Variants in TRPM6 observed in about 807,000 individuals in gnomAD.
The protein encoded by TRPM6 is transient receptor potential cation channel subfamily M member 6.
Under a neutral mutation model 247.6 loss-of-function variants are expected in TRPM6, and 111 were observed. That is an observed-to-expected ratio of 0.45 (90% CI 0.38 to 0.52). The LOEUF is 0.52. Among genes scored for constraint, TRPM6 ranks in the 20% least tolerant of loss-of-function variants. The pLI, the probability that TRPM6 is intolerant of heterozygous loss-of-function variation, is 0.00. For synonymous variants in TRPM6, 892 were observed against 853.8 expected (o/e 1.04, Z -0.78); for missense variants, 2,126 against 2,421.5 (o/e 0.88, Z 2.56).
At chr9:74,878,707 G>A (rs991847895) in intron 1 of TRPM6, among the ~76,000 whole-genome samples, 1 of 152,150 alleles carries the variant, frequency 6.6e-6, no homozygotes, top group Non-Finnish European at 1.5e-5. Flanking sequence ...GTAAGGACAC[G>A]AGAAACATGA....
rs189798369 is a variant in TRPM6 at position 74,785,578 on chromosome 9, A to G, written c.2919+296T>C. 4.8e-3 allele frequency among the ~76,000 whole-genome samples: 735 copies of G among 152,138 alleles called. 5 individuals carry two copies. The highest frequency in any genetic ancestry group is 8.1e-3 in the Non-Finnish European group (550 of 67,998). ...CGCTCTGTCGCTCAAGCTGGAGTGC[A>G]GTGGCGCAATCTCGGCTCACTGCAA... On this transcript the variant is annotated intron_variant, in intron 21 of 38. Transcript: ENST00000360774.
intron 21 of TRPM6, 94 bp downstream of exon 21, chr9:74,785,780 C>T (rs919024128): frequency 2.2e-5 from 32 of 1,462,034 alleles, no homozygotes; most frequent in Non-Finnish European, 2.8e-5. Context: ...GCCTTGGCCT[C>T]CCAAAGTGCT....
At chr9:74,790,979 T>C (rs1827879888) in intron 19 of TRPM6, among the ~76,000 whole-genome samples, 2 of 152,218 alleles carry the variant, frequency 1.3e-5, no homozygotes, top group South Asian at 4.1e-4. Flanking sequence ...TTGGCAGTAT[T>C]GCTTCTGACT....
At chr9:74,879,850 G>A (rs761901029) in intron 1 of TRPM6, among the ~76,000 whole-genome samples, 20 of 152,172 alleles carry the variant, frequency 1.3e-4, no homozygotes, top group East Asian at 3.9e-4. Context: ...TCTGTGAGCC[G>A]CCCCAGCAAA....
At chr9:74,838,563 C>G (rs1169169678) in intron 5 of TRPM6, among the ~76,000 whole-genome samples, 4 of 152,184 alleles carry the variant, frequency 2.6e-5, no homozygotes, top group African/African-American at 9.7e-5. Flanking sequence ...TAGTACACAA[C>G]CAGAAGGAGA....
intron 38 of TRPM6, among the ~76,000 whole-genome samples, chr9:74,726,768 C>A (rs1206430302): frequency 6.6e-6 from 1 of 152,146 alleles, no homozygotes; most frequent in Non-Finnish European, 1.5e-5. Flanking sequence ...CGGACTCCAG[C>A]CTGCCATCAT....
rs746280828 is a variant in TRPM6 at position 74,755,346 on chromosome 9, T to A, written c.4906+7A>T. ...TTTTGGGATCCAAAATTGTAGATGT[T>A]ACATACCTGTGTGACTAAATTTGGA... On this transcript the variant is annotated splice_region_variant and intron_variant, in intron 28 of 38. Transcript: ENST00000360774. The A allele has an allele frequency of 3.7e-6, 6 of 1,614,014 alleles. No individual in the cohort carries two copies. In the Admixed American group the frequency reaches 1.0e-4, roughly 27 times the overall value.
chr9:74,829,860 C>A (rs1467695140), intron 6 of TRPM6, among the ~76,000 whole-genome samples: 1 of 152,138 alleles, frequency 6.6e-6, no homozygotes, highest in East Asian at 1.9e-4. Flanking sequence ...GAGAGAGGCT[C>A]ATTCCTATAA....
chr9:74,734,712 TTA>T (rs1825634841), intron 36 of TRPM6, among the ~76,000 whole-genome samples: 1 of 152,224 alleles, frequency 6.6e-6, no homozygotes, highest in South Asian at 2.1e-4. Flanking sequence ...TTTTATTTCC[TTA>T]TCACTAGTAA....
chr9:74,868,239 A>T (rs1485682277), intron 1 of TRPM6, among the ~76,000 whole-genome samples: 1 of 151,800 alleles, frequency 6.6e-6, no homozygotes, highest in Non-Finnish European at 1.5e-5. Flanking sequence ...TCACGCCTGT[A>T]ATCCCAACAC....
chr9:74,767,190 G>A (rs1446251639), intron 25 of TRPM6, among the ~76,000 whole-genome samples: 1 of 152,120 alleles, frequency 6.6e-6, no homozygotes, highest in Non-Finnish European at 1.5e-5. Context: ...AGCTATAACT[G>A]TACTGATGAA....
At chr9:74,744,000 G>A in intron 32 of TRPM6, 95 bp downstream of exon 32, 2 of 1,231,482 alleles carry the variant, frequency 1.6e-6, no homozygotes, top group South Asian at 2.4e-5. Context: ...CGCGAGCCAT[G>A]TCAGTAACAC....
intron 25 of TRPM6, among the ~76,000 whole-genome samples, chr9:74,770,857 A>T (rs545476886): frequency 1.3e-5 from 2 of 152,118 alleles, no homozygotes; most frequent in Non-Finnish European, 2.9e-5. Context: ...AAATCCAACA[A>T]AAAAACCTTA....
intron 3 of TRPM6, among the ~76,000 whole-genome samples, chr9:74,847,893 C>CA (rs1035377982): frequency 6.6e-6 from 1 of 152,174 alleles, no homozygotes; most frequent in Non-Finnish European, 1.5e-5. Flanking sequence ...CCCTTACCTT[C>CA]AGGGCATATG....
chr9:74,782,288 G>T, intron 23 of TRPM6, 74 bp downstream of exon 23: 1 of 1,118,226 alleles, frequency 8.9e-7, no homozygotes, highest in Non-Finnish European at 1.3e-6. Flanking sequence ...CATACTCAAA[G>T]TACATGTGAA....
At chr9:74,726,686 G>A (rs1825338279) in intron 38 of TRPM6, among the ~76,000 whole-genome samples, 1 of 152,170 alleles carries the variant, frequency 6.6e-6, no homozygotes, top group African/African-American at 2.4e-5. Flanking sequence ...AAGAATGCAG[G>A]CTGCCCTTCC....
chr9:74,811,638 A>G (rs1301490683), intron 12 of TRPM6, among the ~76,000 whole-genome samples: 2 of 152,222 alleles, frequency 1.3e-5, no homozygotes, highest in South Asian at 2.1e-4. Flanking sequence ...GTCTTTAACT[A>G]TGTTTTACTA....
chr9:74,842,139 G>A (rs749964792), intron 4 of TRPM6, 27 bp downstream of exon 4: 1 of 1,606,756 alleles, frequency 6.2e-7, no homozygotes, highest in Non-Finnish European at 8.5e-7. Flanking sequence ...AAAGAAACCA[G>A]CAAAACAATT....
At chr9:74,810,784 A>G (rs376772438) in intron 13 of TRPM6, 31 bp downstream of exon 13, 59 of 1,606,172 alleles carry the variant, frequency 3.7e-5, no homozygotes, top group Non-Finnish European at 4.9e-5. Flanking sequence ...CAATACACAA[A>G]GACATGTTCA....
Sources: allele counts gnomAD v4.1 joint callset (sites outside exome capture counted in the v4.1 genomes callset), GRCh38; gene constraint gnomAD v4.1.1; transcripts MANE v1.5; gene names NCBI Gene and HGNC (gene_info 2026-07-23, HGNC 2026-07-21).